NBEA: variants seen among roughly 807,000 people sequenced by gnomAD.
NBEA encodes the protein neurobeachin, also known as lysosomal-trafficking regulator 2.
In NBEA, 44 loss-of-function variants were observed where a neutral mutation model predicts 343.4. The ratio of observed to expected loss-of-function variants is 0.13; its 90% CI spans 0.10 to 0.16. The LOEUF (loss-of-function observed/expected upper bound fraction) is 0.16, where lower values mean the gene tolerates loss of function less well. NBEA is among the 10% of genes least tolerant of loss of function. The pLI is 1.00. For synonymous variants in NBEA, 1,175 were observed against 1,238.7 expected (o/e 0.95, Z 1.08); for missense variants, 2,555 against 3,631.3 (o/e 0.70, Z 7.62).
chr13:34,983,233 C>A (rs550579813), intron 1 of NBEA, among the ~76,000 whole-genome samples: 166 of 152,220 alleles, frequency 1.1e-3, no homozygotes, highest in African/African-American at 2.6e-3. Flanking sequence ...CAAGTGTTCT[C>A]ACACTGTTCA....
intron 38 of NBEA, among the ~76,000 whole-genome samples, chr13:35,357,327 T>C (rs1477669398): frequency 6.6e-6 from 1 of 152,022 alleles, no homozygotes; most frequent in African/African-American, 2.4e-5. Flanking sequence ...TTAAGTTCAG[T>C]GATACATGTG....
intron 20 of NBEA, 140 bp downstream of exon 20, chr13:35,156,346 C>A: frequency 1.3e-6 from 1 of 773,016 alleles, no homozygotes; most frequent in Non-Finnish European, 1.9e-6. Context: ...GTTTCTTTGA[C>A]ATAATCTGTA....
chr13:35,164,328 A>G (rs372153643), intron 23 of NBEA, 28 bp from the exon 24 acceptor site: 3 of 1,547,344 alleles, frequency 1.9e-6, no homozygotes, highest in Non-Finnish European at 2.6e-6. Context: ...AAGCCAAAAC[A>G]TACTCATTTC....
chr13:35,399,731 T>A (rs2042908680), intron 38 of NBEA, among the ~76,000 whole-genome samples: 1 of 152,142 alleles, frequency 6.6e-6, no homozygotes, highest in Admixed American at 6.6e-5. Flanking sequence ...ACCTCGCTTT[T>A]GGCCTGTTTC....
At chr13:35,443,857 A>G (rs1372697265) in intron 39 of NBEA, among the ~76,000 whole-genome samples, 1 of 151,932 alleles carries the variant, frequency 6.6e-6, no homozygotes, top group African/African-American at 2.4e-5. Flanking sequence ...TCCTTTTTAA[A>G]AAAATGCTAT....
chr13:35,349,735 A>G (rs1161267352), intron 37 of NBEA, among the ~76,000 whole-genome samples: 1 of 152,090 alleles, frequency 6.6e-6, no homozygotes, highest in Admixed American at 6.6e-5. Flanking sequence ...GTAATAAATG[A>G]CTCACCAATT....
At chr13:35,442,219 C>T (rs1052423196) in intron 39 of NBEA, among the ~76,000 whole-genome samples, 6 of 152,052 alleles carry the variant, frequency 3.9e-5, no homozygotes, top group Non-Finnish European at 7.4e-5. Context: ...AGGGACCAAA[C>T]GCTATGCAAT....
chr13:35,285,093 G>A (rs2035332821), intron 34 of NBEA, among the ~76,000 whole-genome samples: 1 of 152,132 alleles, frequency 6.6e-6, no homozygotes, highest in South Asian at 2.1e-4. Flanking sequence ...TGAAATGAAA[G>A]TATTTCAGTG....
chr13:34,974,327 G>A (rs545076227), intron 1 of NBEA, among the ~76,000 whole-genome samples: 22 of 152,124 alleles, frequency 1.4e-4, no homozygotes, highest in African/African-American at 5.3e-4. Flanking sequence ...CAAATCCTCT[G>A]TTTTCTTTTT....
chr13:35,067,294 A>C (rs1333876093), intron 8 of NBEA, among the ~76,000 whole-genome samples: 1 of 152,112 alleles, frequency 6.6e-6, no homozygotes, highest in African/African-American at 2.4e-5. Flanking sequence ...TCCTTAGCTC[A>C]GTACAACTTT....
At chr13:35,017,532 T>C (rs1389685918) in intron 1 of NBEA, among the ~76,000 whole-genome samples, 2 of 152,200 alleles carry the variant, frequency 1.3e-5, no homozygotes. Context: ...TAGCTTACTG[T>C]GGTTTCAGTT....
chr13:35,547,221 G>T (rs2079106124), intron 41 of NBEA, among the ~76,000 whole-genome samples: 1 of 151,946 alleles, frequency 6.6e-6, no homozygotes, highest in African/African-American at 2.4e-5. Flanking sequence ...TTTAAATGAT[G>T]TTGCCATTGT....
intron 38 of NBEA, among the ~76,000 whole-genome samples, chr13:35,382,338 G>T (rs192140833): frequency 1.5e-3 from 229 of 152,060 alleles, no homozygotes; most frequent in Non-Finnish European, 2.6e-3. Context: ...TTCCTTTTTG[G>T]CTGTTGTTTT....
intron 38 of NBEA, among the ~76,000 whole-genome samples, chr13:35,385,132 A>C (rs558489170): frequency 8.9e-4 from 135 of 152,282 alleles, no homozygotes; most frequent in African/African-American, 3.1e-3. Context: ...GCTGCATTAA[A>C]ATTTTAATAA....
chr13:35,235,769 T>A (rs2075198631), intron 34 of NBEA, among the ~76,000 whole-genome samples: 1 of 152,224 alleles, frequency 6.6e-6, no homozygotes, highest in Non-Finnish European at 1.5e-5. Flanking sequence ...GATTGAGTAA[T>A]TGAGAGTTAT....
chr13:34,945,644 C>T (rs1196205253), intron 1 of NBEA, among the ~76,000 whole-genome samples: 1 of 151,742 alleles, frequency 6.6e-6, no homozygotes, highest in Non-Finnish European at 1.5e-5. Context: ...ATTACTGTGC[C>T]CTGAATGACA....
intron 36 of NBEA, among the ~76,000 whole-genome samples, chr13:35,348,066 T>C (rs2039987233): frequency 6.6e-6 from 1 of 152,052 alleles, no homozygotes; most frequent in South Asian, 2.1e-4. Context: ...ACAGGGCAAG[T>C]CCAGATCCAC....
At chr13:34,982,763 A>G (rs571472362) in intron 1 of NBEA, among the ~76,000 whole-genome samples, 2 of 152,286 alleles carry the variant, frequency 1.3e-5, no homozygotes, top group Admixed American at 1.3e-4. Context: ...ATTGGTTGTA[A>G]TGTTTCTAAG....
At chr13:35,304,317 A>T (rs542897577) in intron 35 of NBEA, among the ~76,000 whole-genome samples, 17 of 149,768 alleles carry the variant, frequency 1.1e-4, no homozygotes, top group African/African-American at 3.7e-4. Context: ...CATTGCCTTG[A>T]CAAAAGCAAT....
Sources: gnomAD v4.1 joint callset for allele counts (sites outside exome capture counted in the v4.1 genomes callset) on GRCh38, gnomAD v4.1.1 for gene constraint, MANE v1.5 for transcripts, NCBI Gene and HGNC (gene_info 2026-07-23, HGNC 2026-07-21) for gene names.